The following LRRC42 variants were observed in gnomAD, a reference collection of about 807,000 sequenced individuals.
LRRC42 encodes the protein leucine rich repeat containing 42, also known as leucine-rich repeat-containing protein 42.
A neutral mutation model predicts 44.3 loss-of-function variants in LRRC42; 43 were observed. That is an observed-to-expected ratio of 0.97 (90% confidence interval 0.76 to 1.25). The LOEUF is 1.25. Among genes scored for constraint, LRRC42 ranks in the 50% most tolerant of loss-of-function variants. The probability of loss-of-function intolerance (pLI) is 0.00; values close to 1 mark genes in which losing one functional copy is unlikely to be tolerated. For synonymous variants in LRRC42, 207 were observed against 195.2 expected (o/e 1.06, Z -0.50); for missense variants, 540 against 509.1 (o/e 1.06, Z -0.58).
At chr1:53,954,540 G>T (rs1654778358) in intron 3 of LRRC42, among the ~76,000 whole-genome samples, 1 of 152,116 alleles carries the variant, frequency 6.6e-6, no homozygotes, top group African/African-American at 2.4e-5. Flanking sequence ...ATGCTATTTG[G>T]GGAATGCATA....
chr1:53,951,849 T>G, intron 2 of LRRC42, 137 bp from the exon 3 acceptor site: 3 of 674,470 alleles, frequency 4.4e-6, no homozygotes, highest in Non-Finnish European at 7.4e-6. Flanking sequence ...CCCAGGCAAC[T>G]GGTGAGTTTT....
chr1:53,967,654 T>C lies in LRRC42; in HGVS notation c.1013-11T>C, dbSNP rs1257619057. Reference sequence around the variant, plus strand: ...GTGTAGTGAACTCATCATCCCTCCCTTCTGTCACAGATGGGAAGCGGTCTC... The same window carrying C: ...GTGTAGTGAACTCATCATCCCTCCCCTCTGTCACAGATGGGAAGCGGTCTC... On this transcript the variant is annotated splice_polypyrimidine_tract_variant and intron_variant, in intron 8 of 8. Coordinates refer to ENST00000371370, the MANE Select transcript of LRRC42 (RefSeq NM_001256409.2). 1 of 1,611,492 alleles carries C rather than the reference T, an allele frequency of 6.2e-7. No homozygotes were observed. Among genetic ancestry groups the C allele is most frequent in the East Asian group, 2.2e-5 (1 of 44,870 alleles).
At chr1:53,954,017 G>A (rs1233477041) in intron 3 of LRRC42, among the ~76,000 whole-genome samples, 1 of 152,192 alleles carries the variant, frequency 6.6e-6, no homozygotes, top group East Asian at 1.9e-4. Flanking sequence ...ACAGGCATGA[G>A]CCCCCATGCC....
intron 2 of LRRC42, 110 bp from the exon 3 acceptor site, chr1:53,951,876 C>A: frequency 1.1e-6 from 1 of 894,998 alleles, no homozygotes. Flanking sequence ...CCTAAACCAG[C>A]CACCAGGCCT....
chr1:53,958,156 G>C lies in LRRC42; in HGVS notation c.481G>C (p.Val161Leu). ...GCTCTCCACGCTCCGTAGGTATCTC[G>C]TGATTTCAGAAAAGCTTGAGGAGAT... ...CSLCLRNRYL[V>L]ISEKLEEIKS... The change falls in exon 4 of 9, where the codon GTG (valine) becomes CTG (leucine). Residue 161 changes from valine to leucine, a missense_variant. Val to Leu is a conservative substitution (Grantham distance 32). Transcript: ENST00000371370. The C allele has an allele frequency of 1.2e-6, 2 of 1,613,642 alleles. No individual in the cohort carries two copies. Among genetic ancestry groups the C allele is most frequent in the Non-Finnish European group, 1.7e-6 (2 of 1,179,714 alleles).
At chr1:53,960,578 C>CT in intron 5 of LRRC42, 104 bp downstream of exon 5, 1 of 842,882 alleles carries the variant, frequency 1.2e-6, no homozygotes, top group South Asian at 1.8e-5. Flanking sequence ...GGAAAGGTGA[C>CT]TTTCCTCGGT....
chr1:53,968,009 T>C lies in LRRC42; in HGVS notation c.*70T>C. On this transcript the variant is annotated 3_prime_UTR_variant, in exon 9 of 9. Coordinates refer to ENST00000371370, the MANE Select transcript of LRRC42 (RefSeq NM_001256409.2). ...TTTGAGTAAAGGAGACTGAGGATGA[T>C]TTACTTTTTGTTTGAATTTACCTAT... is the stretch of plus-strand genomic sequence containing the variant. The C allele has an allele frequency of 5.3e-6, 8 of 1,514,446 alleles. No homozygotes were observed. The highest frequency in any genetic ancestry group is 6.2e-6 in the Non-Finnish European group (7 of 1,122,298). 93.8% of individuals were successfully genotyped at this position (1,514,446 alleles called of 1,614,324 possible).
chr1:53,952,614 T>A, intron 3 of LRRC42, 142 bp downstream of exon 3: 1 of 628,104 alleles, frequency 1.6e-6, no homozygotes, highest in African/African-American at 1.8e-5. Flanking sequence ...AAGACCATAT[T>A]GAAAAAAATC....
At position 53,958,293 on chromosome 1, in the gene LRRC42, C is replaced by A. The variant is rs769110663; in HGVS notation, c.605+13C>A. On this transcript the variant is annotated intron_variant, in intron 4 of 8. Transcript: ENST00000371370. Reference sequence around the variant, plus strand: ...AAGCCCTGTCTAGGTACTGACCTGTCACCACTTGCAGATGAATTGTTTCAG... The same window carrying A: ...AAGCCCTGTCTAGGTACTGACCTGTAACCACTTGCAGATGAATTGTTTCAG... The A allele has an allele frequency of 6.2e-7, 1 of 1,612,384 alleles. No individual in the cohort carries two copies. Among genetic ancestry groups the A allele is most frequent in the South Asian group, 1.1e-5 (1 of 90,892 alleles).
intron 3 of LRRC42, among the ~76,000 whole-genome samples, chr1:53,953,853 T>A (rs12127960): frequency 0.46 from 69,325 of 151,778 alleles, 17,260 homozygotes; most frequent in South Asian, 0.63. Flanking sequence ...TGACTCAGCC[T>A]CCTAAGTAGC....
intron 7 of LRRC42, among the ~76,000 whole-genome samples, chr1:53,965,764 C>T (rs1191158877): frequency 6.6e-6 from 1 of 152,098 alleles, no homozygotes; most frequent in Non-Finnish European, 1.5e-5. Context: ...CGTGAGCCAC[C>T]GCGCCCGGCC....
intron 4 of LRRC42, among the ~76,000 whole-genome samples, chr1:53,959,480 C>T (rs1013440163): frequency 6.6e-6 from 1 of 152,198 alleles, no homozygotes; most frequent in African/African-American, 2.4e-5. Context: ...CTGACAGTGA[C>T]ACCTACCTAC....
chr1:53,954,008 C>T (rs996177052), intron 3 of LRRC42, among the ~76,000 whole-genome samples: 3 of 152,224 alleles, frequency 2.0e-5, no homozygotes, highest in African/African-American at 7.2e-5. Flanking sequence ...GCTGGGATTA[C>T]AGGCATGAGC....
intron 2 of LRRC42, among the ~76,000 whole-genome samples, chr1:53,950,025 A>C (rs12079858): frequency 6.6e-6 from 1 of 152,202 alleles, no homozygotes; most frequent in Non-Finnish European, 1.5e-5. Flanking sequence ...GATGAATCAA[A>C]TAAGTACCTT....
intron 4 of LRRC42, 32 bp downstream of exon 4, chr1:53,958,312 G>A (rs1308138028): frequency 1.2e-6 from 2 of 1,610,062 alleles, no homozygotes; most frequent in South Asian, 2.2e-5. Context: ...CAGATGAATT[G>A]TTTCAGTATT....
In LRRC42 at chr1:53,952,359, T is replaced by C; in HGVS notation, c.360T>C (p.Ser120=). The change falls in exon 3 of 9, where the codon TCT becomes TCC. Residue 120 remains serine (S), a synonymous_variant. Coordinates refer to ENST00000371370, the MANE Select transcript of LRRC42 (RefSeq NM_001256409.2). Reference sequence around the variant, plus strand: ...AGCAGATTGCTGAAAAGCTGTTCTCTGCTGCTGAAGCCAGACAGAAATTCA... The same window carrying C: ...AGCAGATTGCTGAAAAGCTGTTCTCCGCTGCTGAAGCCAGACAGAAATTCA... The part of the protein sequence containing the change: ...FPEQIAEKLF[S]AAEARQKFTE... The C allele has an allele frequency of 1.9e-6, 3 of 1,614,150 alleles. No homozygotes were observed. Among genetic ancestry groups the C allele is most frequent in the Non-Finnish European group, 2.5e-6 (3 of 1,179,960 alleles).
intron 3 of LRRC42, among the ~76,000 whole-genome samples, chr1:53,957,773 T>C (rs1654879935): frequency 6.6e-6 from 1 of 152,210 alleles, no homozygotes; most frequent in Admixed American, 6.5e-5. Context: ...AAAGCAACTT[T>C]AAAAGAATTA....
Position 53,962,024 on chromosome 1 carries a change from T to G in LRRC42, c.725-10T>G, listed in dbSNP as rs941977559. On this transcript the variant is annotated splice_polypyrimidine_tract_variant and intron_variant, in intron 5 of 8. Coordinates refer to ENST00000371370, the MANE Select transcript of LRRC42 (RefSeq NM_001256409.2). ...TTGTGACAGAATGCTACGTTGTTTT[T>G]GACATCTAGGTAACCCTGAGATCAC... is the stretch of plus-strand genomic sequence containing the variant. 20 of 1,598,182 alleles carry G rather than the reference T, an allele frequency of 1.3e-5. No homozygotes were observed. The highest frequency in any genetic ancestry group is 1.7e-5 in the Non-Finnish European group (20 of 1,170,290).
intron 8 of LRRC42, among the ~76,000 whole-genome samples, chr1:53,966,750 A>G (rs927919949): frequency 1.3e-5 from 2 of 152,098 alleles, no homozygotes; most frequent in African/African-American, 4.8e-5. Context: ...TATACATACA[A>G]TGTATTTCAG....
Sources: allele counts gnomAD v4.1 joint callset (sites outside exome capture counted in the v4.1 genomes callset), GRCh38; gene constraint gnomAD v4.1.1; transcripts MANE v1.5; gene names NCBI Gene and HGNC (gene_info 2026-07-23, HGNC 2026-07-21).